ANKRD35: variants seen among roughly 807,000 people sequenced by gnomAD.
ANKRD35 encodes the protein ankyrin repeat domain-containing protein 35.
In ANKRD35, 102 loss-of-function variants were observed where a neutral mutation model predicts 109.9. The ratio of observed to expected loss-of-function variants is 0.93; its 90% CI spans 0.79 to 1.09. The LOEUF is 1.09. Among genes scored for constraint, ANKRD35 ranks in the 50% least tolerant of loss-of-function variants. The pLI is 0.00. For missense variants in ANKRD35, 1,240 were observed against 1,230.1 expected, an observed-to-expected ratio of 1.01 and a Z score of -0.12; for synonymous variants, 515 against 512.4, an observed-to-expected ratio of 1.01 and a Z score of -0.07.
At chr1:145,877,233 ATTT>A (rs55662836) in intron 4 of ANKRD35, among the ~76,000 whole-genome samples, 1 of 140,344 alleles carries the variant, frequency 7.1e-6, no homozygotes. Flanking sequence ...AAGATAACTG[ATTT>A]TTTTTTTTTT....
chr1:145,876,577 A>G lies in ANKRD35; in HGVS notation c.445T>C (p.Leu149=), dbSNP rs782301429. The G allele has an allele frequency of 6.2e-7, 1 of 1,614,132 alleles. No homozygotes were observed. The highest frequency in any genetic ancestry group is 1.7e-5 in the Admixed American group (1 of 60,012). The part of the protein sequence containing the change: ...LCDHEAFLDV[L]DNDGRTPLMI... ...GCCCATCTGACACTCACATTATCCA[A>G]CACGTCCAGGAAGGCTTCGTGGTCA... The change falls in exon 6 of 14, where the codon TTG becomes CTG. Residue 149 remains leucine, a synonymous_variant. Transcript: ENST00000355594.
At chr1:145,880,701 C>G (rs1251249012) in intron 1 of ANKRD35, among the ~76,000 whole-genome samples, 2 of 152,144 alleles carry the variant, frequency 1.3e-5, no homozygotes, top group African/African-American at 4.8e-5. Flanking sequence ...AGCCCAGTAA[C>G]TCATTTTCAA....
rs59433424 is a variant in ANKRD35 at position 145,871,153 on chromosome 1, C to CTTTTTTTTTTTTTTTTTTTTTTTTTTTTT, written c.2787+828_2787+829insAAAAAAAAAAAAAAAAAAAAAAAAAAAAA. Among the ~76,000 whole-genome samples the CTTTTTTTTTTTTTTTTTTTTTTTTTTTTT allele has an allele frequency of 7.7e-4, 60 of 78,100 alleles. 3 individuals are homozygous for CTTTTTTTTTTTTTTTTTTTTTTTTTTTTT. Among genetic ancestry groups the CTTTTTTTTTTTTTTTTTTTTTTTTTTTTT allele is most frequent in the Non-Finnish European group, 1.2e-3 (48 of 38,938 alleles). The allele number at this position is 78,100 out of a possible 152,430, so 51.2% of individuals were successfully genotyped here. A position where few individuals can be genotyped will look rare whatever the true frequency, so the allele number is the denominator to read the frequency against. On this transcript the variant is annotated intron_variant, in intron 10 of 13. Transcript: ENST00000355594. ...TCTTTCTTTCTTTCTTTTCTTTTTT[C>CTTTTTTTTTTTTTTTTTTTTTTTTTTTTT]TTTTTTTTTTTTTTTTTTTTTTTTT...
At chr1:145,882,373 T>G (rs1237412081) in intron 1 of ANKRD35, among the ~76,000 whole-genome samples, 1 of 146,974 alleles carries the variant, frequency 6.8e-6, no homozygotes, top group Admixed American at 6.8e-5. Context: ...CATGGCTCAC[T>G]GCAGCCTTGA....
intron 10 of ANKRD35, among the ~76,000 whole-genome samples, chr1:145,869,611 G>A (rs1653735584): frequency 6.6e-6 from 1 of 152,104 alleles, no homozygotes; most frequent in South Asian, 2.1e-4. Context: ...ACAGGAACAG[G>A]CACATGCCAC....
chr1:145,873,033 T>C lies in ANKRD35; in HGVS notation c.1736A>G (p.Lys579Arg), dbSNP rs1653905640. 1.2e-6 allele frequency: 2 copies of C among 1,611,596 alleles called. No homozygotes were observed. Among genetic ancestry groups the C allele is most frequent in the South Asian group, 1.1e-5 (1 of 90,794 alleles). The change falls in exon 10 of 14, where the codon AAA (lysine) becomes AGA (arginine). Residue 579 changes from lysine to arginine, a missense_variant. Transcript: ENST00000355594. ...GALKAAPGSI[K>R]QDEEKEKRVP... ...CCTTTTCTCCTTCTCTTCATCCTGT[T>C]TGATGCTCCCTGGGGCTGCCTTTAG... is the stretch of plus-strand genomic sequence containing the variant.
At chr1:145,875,920 C>G (rs1374601669) in intron 7 of ANKRD35, among the ~76,000 whole-genome samples, 1 of 152,090 alleles carries the variant, frequency 6.6e-6, no homozygotes, top group Non-Finnish European at 1.5e-5. Context: ...CCAGAAGTGT[C>G]GATTCTACTT....
chr1:145,872,863 G>C lies in ANKRD35; in HGVS notation c.1906C>G (p.Arg636Gly), dbSNP rs782760507. 1 of 1,613,874 alleles carries C rather than the reference G, an allele frequency of 6.2e-7. No individual in the cohort carries two copies. Among genetic ancestry groups the C allele is most frequent in the African/African-American group, 1.3e-5 (1 of 74,884 alleles). Residue 636 changes from arginine (R) to glycine (G), a missense_variant, in exon 10 of 14, where the codon CGG becomes GGG. Physicochemically the swap from Arg to Gly is moderately radical, Grantham distance 125. Transcript: ENST00000355594. ...NLLEELGELG[R>G]ERQRLQRELQ... ...TCCCTCTGCAACCTCTGCCGCTCCC[G>C]CCCCAACTCCCCTAACTCCTCCAGC... is the stretch of plus-strand genomic sequence containing the variant.
At chr1:145,876,447 G>A in intron 6 of ANKRD35, 122 bp downstream of exon 6, 1 of 1,237,588 alleles carries the variant, frequency 8.1e-7, no homozygotes. Flanking sequence ...AGAAGCAGGA[G>A]GAGAAGGAAG....
chr1:145,871,099 C>T lies in ANKRD35; in HGVS notation c.2787+883G>A, dbSNP rs1570794177. Among the ~76,000 whole-genome samples the T allele has an allele frequency of 2.8e-5, 4 of 144,942 alleles. No homozygotes were observed. The Middle Eastern group carries it at 0.014, about 518-fold the overall frequency. On this transcript the variant is annotated intron_variant, in intron 10 of 13. Transcript: ENST00000355594. ...AGCAAGCTTTAGGAAACTCTGGTAT[C>T]TAATAGTGGTTTTCAAGCTTTTTTT...
intron 13 of ANKRD35, 39 bp downstream of exon 13, chr1:145,867,248 C>T (rs868947022): frequency 7.0e-7 from 1 of 1,423,726 alleles, no homozygotes; most frequent in Non-Finnish European, 9.9e-7. Flanking sequence ...GCCCTTTCTC[C>T]CAAACTCCTT....
chr1:145,869,116 T>TC (rs1653713402), intron 10 of ANKRD35, among the ~76,000 whole-genome samples: 1 of 149,322 alleles, frequency 6.7e-6, no homozygotes, highest in South Asian at 2.1e-4. Flanking sequence ...TAAAAAAATT[T>TC]AAAAAAAAAA....
In ANKRD35 at chr1:145,867,776, A is replaced by G. The variant is rs16827034; in HGVS notation, c.2943+215T>C. Among the ~76,000 whole-genome samples, 850 of 152,288 alleles carry G rather than the reference A, an allele frequency of 5.6e-3. 8 individuals are homozygous for G. Among genetic ancestry groups the G allele is most frequent in the South Asian group, 0.029 (138 of 4,826 alleles). On this transcript the variant is annotated intron_variant, in intron 12 of 13. Transcript: ENST00000355594. ...AGGAAAAGTCCTTACTATAGGCCAG[A>G]GAATTGAAACAGAGGGGGAAACACC...
rs141454383 is a variant in ANKRD35, at chr1:145,872,809, G to C, written c.1960C>G (p.Arg654Gly). Residue 654 changes from arginine to glycine, a missense_variant, in exon 10 of 14, where the codon CGG becomes GGG. Coordinates refer to ENST00000355594, the MANE Select transcript of ANKRD35 (RefSeq NM_144698.5). ...ELQSLSQRLQ[R>G]EFVPKPQAQV... ...GCCTGTGGCTTGGGCACAAACTCCC[G>C]CTGCAGCCGCTGGCTCAGGGACTGT... 645 of 1,613,770 alleles carry C rather than the reference G, an allele frequency of 4.0e-4. 3 individuals are homozygous for C. Among genetic ancestry groups the C allele is most frequent in the Non-Finnish European group, 4.9e-4 (581 of 1,179,932 alleles).
At position 145,874,204 on chromosome 1, in the gene ANKRD35, G is replaced by A. The variant is rs1479268010; in HGVS notation, c.746-12C>T. 2 of 1,613,794 alleles carry A rather than the reference G, an allele frequency of 1.2e-6. 1 individual carries two copies. Among genetic ancestry groups the A allele is most frequent in the South Asian group, 2.2e-5 (2 of 91,070 alleles). On this transcript the variant is annotated splice_polypyrimidine_tract_variant and intron_variant, in intron 8 of 13. Coordinates refer to ENST00000355594, the MANE Select transcript of ANKRD35 (RefSeq NM_144698.5). ...GACTAGCCTCTGACCTATAAGAAAA[G>A]ATATGAGGAAAATGAGAGAGAAGAC...
chr1:145,872,857 G>A lies in ANKRD35; in HGVS notation c.1912C>T (p.Arg638Trp), dbSNP rs1553739131. 3.7e-6 allele frequency: 6 copies of A among 1,613,952 alleles called. No individual in the cohort carries two copies. The highest frequency in any genetic ancestry group is 5.1e-6 in the Non-Finnish European group (6 of 1,180,028). The change falls in exon 10 of 14, where the codon CGG (arginine) becomes TGG (tryptophan). Residue 638 changes from arginine to tryptophan, a missense_variant. Coordinates refer to ENST00000355594, the MANE Select transcript of ANKRD35 (RefSeq NM_144698.5). ...LEELGELGRE[R>W]QRLQRELQSL... ...TGTAGCTCCCTCTGCAACCTCTGCC[G>A]CTCCCGCCCCAACTCCCCTAACTCC...
chr1:145,872,292 G>GC lies in ANKRD35; in HGVS notation c.2476dup (p.Ala826GlyfsTer36). 2 of 1,612,308 alleles carry GC rather than the reference G, an allele frequency of 1.2e-6. No homozygotes were observed. Among genetic ancestry groups the GC allele is most frequent in the Non-Finnish European group, 1.7e-6 (2 of 1,179,380 alleles). On this transcript the variant is annotated frameshift_variant, in exon 10 of 14. Transcript: ENST00000355594. LOFTEE classifies it high-confidence loss of function. ...TTGCCGTAGGCTGGCTGCCTCCCGG[G>GC]CCCTTAGCTCAGCCACTTCCTCTGT...
At chr1:145,868,106 A>G in intron 11 of ANKRD35, 50 bp from the exon 12 acceptor site, 1 of 1,577,206 alleles carries the variant, frequency 6.3e-7, no homozygotes, top group Non-Finnish European at 8.7e-7. Context: ...CAGTCACCCA[A>G]GCATGAGGAG....
At chr1:145,880,085 C>G (rs1301263339) in intron 1 of ANKRD35, among the ~76,000 whole-genome samples, 1 of 152,172 alleles carries the variant, frequency 6.6e-6, no homozygotes, top group Non-Finnish European at 1.5e-5. Flanking sequence ...GAGGAAGCAG[C>G]AAGAGGTAGC....
Sources: gnomAD v4.1 joint callset for allele counts (sites outside exome capture counted in the v4.1 genomes callset) on GRCh38, gnomAD v4.1.1 for gene constraint, MANE v1.5 for transcripts, NCBI Gene and HGNC (gene_info 2026-07-23, HGNC 2026-07-21) for gene names.